The following ST3GAL5 variants were observed in gnomAD, a reference collection of about 807,000 sequenced individuals.
ST3GAL5 encodes the protein ST3 beta-galactoside alpha-2,3-sialyltransferase 5.
In ST3GAL5, 25 loss-of-function variants were observed where a neutral mutation model predicts 46.1. The ratio of observed to expected loss-of-function variants is 0.54; its 90% CI spans 0.40 to 0.76. ST3GAL5 has a LOEUF of 0.76. Ranked by LOEUF, ST3GAL5 falls within the 30% of genes least tolerant of loss-of-function variation. ST3GAL5 has a pLI of 0.00. For synonymous variants in ST3GAL5, 182 were observed against 192.7 expected, an observed-to-expected ratio of 0.94 and a Z score of 0.46; for missense variants, 431 against 521.2, an observed-to-expected ratio of 0.83 and a Z score of 1.69.
At chr2:85,868,745 A>T (rs1685574336) in intron 1 of ST3GAL5, among the ~76,000 whole-genome samples, 1 of 151,628 alleles carries the variant, frequency 6.6e-6, no homozygotes, top group Non-Finnish European at 1.5e-5. Flanking sequence ...CAGCCTCCCG[A>T]GTAGCTGGGA....
At chr2:85,882,905 G>A (rs1687333185) in intron 1 of ST3GAL5, among the ~76,000 whole-genome samples, 1 of 151,512 alleles carries the variant, frequency 6.6e-6, no homozygotes, top group South Asian at 2.1e-4. Flanking sequence ...CTTTGTTTTG[G>A]CCAATTTCTC....
chr2:85,866,545 T>C (rs2104106597), intron 1 of ST3GAL5, among the ~76,000 whole-genome samples: 1 of 152,394 alleles, frequency 6.6e-6, no homozygotes, highest in South Asian at 2.1e-4. Flanking sequence ...GAAACCTGGA[T>C]GTGCCAAATT....
chr2:85,853,632 G>A (rs1683780428), intron 3 of ST3GAL5: 1 of 158,392 alleles, frequency 6.3e-6, no homozygotes, highest in African/African-American at 2.4e-5. Flanking sequence ...CAGAACACGA[G>A]GACCACACGG....
In ST3GAL5 at chr2:85,859,206, C is replaced by T. The variant is rs527995582; in HGVS notation, c.318+1975G>A. ...TCCTCAGCTGACCCAGACTTTAGAA[C>T]AATCACTTTACAGTTGGTCAGATGG... On this transcript the variant is annotated intron_variant, in intron 3 of 6. Transcript: ENST00000638572. Among the ~76,000 whole-genome samples, 5 of 152,232 alleles carry T rather than the reference C, an allele frequency of 3.3e-5. No individual in the cohort carries two copies. In the East Asian group the frequency reaches 9.6e-4, roughly 29 times the overall value.
intron 3 of ST3GAL5, chr2:85,851,348 T>A: frequency 8.5e-7 from 1 of 1,175,756 alleles, no homozygotes; most frequent in South Asian, 1.7e-5. Context: ...CCTGGCAACG[T>A]CTAAAGCCAC....
intron 1 of ST3GAL5, among the ~76,000 whole-genome samples, chr2:85,871,768 C>T (rs959548024): frequency 1.3e-5 from 2 of 152,080 alleles, no homozygotes; most frequent in African/African-American, 4.8e-5. Flanking sequence ...ATGGGGAGGA[C>T]CTGGAACAAG....
rs757685346 is a variant in ST3GAL5 at position 85,840,222 on chromosome 2, C to T, written c.1179G>A (p.Thr393=). The part of the protein sequence containing the change: ...MNFQTMHNVT[T]ETKFLLKLVK... The stretch of plus-strand genomic sequence containing the variant: ...CCAGCTTTAAGAGGAACTTGGTTTC[C>T]GTTGTCACATTATGCATGGTCTGAA... The change falls in exon 7 of 7, where the codon ACG becomes ACA. Residue 393 remains threonine (T), a synonymous_variant. Coordinates refer to ENST00000638572, the MANE Select transcript of ST3GAL5 (RefSeq NM_003896.4). 9 of 1,614,040 alleles carry T rather than the reference C, an allele frequency of 5.6e-6. No individual in the cohort carries two copies. The highest frequency in any genetic ancestry group is 5.0e-5 in the Admixed American group (3 of 60,004).
chr2:85,849,633 CAAA>C (rs1174937511), intron 3 of ST3GAL5: 1 of 152,042 alleles, frequency 6.6e-6, no homozygotes, highest in Non-Finnish European at 1.5e-5. Flanking sequence ...AAAAAACAAA[CAAA>C]AAACCCCCCA....
intron 3 of ST3GAL5, chr2:85,850,318 A>G (rs1271923373): frequency 1.3e-5 from 2 of 152,284 alleles, no homozygotes; most frequent in Non-Finnish European, 2.9e-5. Context: ...AAGAGGTCTG[A>G]GCTGGCCCAG....
At chr2:85,840,551 A>G in intron 6 of ST3GAL5, 159 bp from the exon 7 acceptor site, 1 of 776,920 alleles carries the variant, frequency 1.3e-6, no homozygotes, top group East Asian at 2.7e-5. Context: ...TTAGAGTCCA[A>G]CTCTCCATTT....
rs147709363 is a variant in ST3GAL5, at chr2:85,843,071, G to C, written c.1008+1325C>G. ...CCGCGCCCAGCCTAGTGTTTTGTAT[G>C]TTTATTTTCTCACTTAATATACTAT... On this transcript the variant is annotated intron_variant, in intron 6 of 6. Coordinates refer to ENST00000638572, the MANE Select transcript of ST3GAL5 (RefSeq NM_003896.4). Among the ~76,000 whole-genome samples, 578 of 152,124 alleles carry C rather than the reference G, an allele frequency of 3.8e-3. 1 individual carries two copies. Among genetic ancestry groups the C allele is most frequent in the African/African-American group, 0.013 (534 of 41,504 alleles).
At chr2:85,842,313 A>C (rs1269394688) in intron 6 of ST3GAL5, among the ~76,000 whole-genome samples, 1 of 152,248 alleles carries the variant, frequency 6.6e-6, no homozygotes, top group South Asian at 2.1e-4. Flanking sequence ...CCCAGTGACC[A>C]TCTTGTCACA....
At chr2:85,850,796 G>C (rs1306266743) in intron 3 of ST3GAL5, 2 of 152,262 alleles carry the variant, frequency 1.3e-5, no homozygotes, top group Admixed American at 1.3e-4. Context: ...CGAGCTGGAT[G>C]CTCGCCAGGC....
chr2:85,862,509 A>G (rs1393495581), intron 2 of ST3GAL5, among the ~76,000 whole-genome samples: 4 of 151,886 alleles, frequency 2.6e-5, no homozygotes, highest in African/African-American at 9.7e-5. Flanking sequence ...TAAAAAAAAA[A>G]TAAAAGAAAA....
chr2:85,837,742 T>C lies in ST3GAL5; in HGVS notation c.*2402A>G, dbSNP rs1681619785. 1 of 152,124 alleles carries C rather than the reference T, an allele frequency of 6.6e-6. No homozygotes were observed. The highest frequency in any genetic ancestry group is 1.5e-5 in the Non-Finnish European group (1 of 68,002). The allele number at this position is 152,124 out of a possible 1,614,324, so 9.4% of individuals were successfully genotyped here. ...AATTAAAATTAAAAAACCCTAAAAC[T>C]GAAATTTTCTGCAGCTCAAAGTTCT... On this transcript the variant is annotated 3_prime_UTR_variant, in exon 7 of 7. Coordinates refer to ENST00000638572, the MANE Select transcript of ST3GAL5 (RefSeq NM_003896.4).
At chr2:85,872,426 T>C (rs1558695208) in intron 1 of ST3GAL5, among the ~76,000 whole-genome samples, 1 of 151,840 alleles carries the variant, frequency 6.6e-6, no homozygotes, top group Non-Finnish European at 1.5e-5. Context: ...CTACTAAAAA[T>C]ACAAAAATTA....
intron 1 of ST3GAL5, among the ~76,000 whole-genome samples, chr2:85,885,159 A>T (rs144035734): frequency 5.3e-4 from 80 of 152,362 alleles, no homozygotes; most frequent in African/African-American, 1.6e-3. Flanking sequence ...AATTTTTAGC[A>T]GAAATGCAGA....
intron 3 of ST3GAL5, among the ~76,000 whole-genome samples, chr2:85,859,962 T>C (rs1339711826): frequency 6.6e-6 from 1 of 152,156 alleles, no homozygotes; most frequent in African/African-American, 2.4e-5. Flanking sequence ...GGACACTCCC[T>C]AACCAGGCAG....
At chr2:85,867,859 TGGGACTG>T in intron 1 of ST3GAL5, 1 of 598,586 alleles carries the variant, frequency 1.7e-6, no homozygotes, top group Non-Finnish European at 3.0e-6. Context: ...GAAGCCTTCC[TGGGACTG>T]GGGTTAGTCA....
Sources: allele counts gnomAD v4.1 joint callset (sites outside exome capture counted in the v4.1 genomes callset), GRCh38; gene constraint gnomAD v4.1.1; transcripts MANE v1.5; gene names NCBI Gene and HGNC (gene_info 2026-07-23, HGNC 2026-07-21).